The following HSD17B6 variants were observed in gnomAD, a reference collection of about 807,000 sequenced individuals.
HSD17B6 encodes the protein 17-beta-hydroxysteroid dehydrogenase type 6.
Under a neutral mutation model 26.4 loss-of-function variants are expected in HSD17B6, and 16 were observed. The observed-to-expected ratio is 0.61, with a 90% CI of 0.41 to 0.92. The LOEUF (loss-of-function observed/expected upper bound fraction) is 0.92, where lower values mean the gene tolerates loss of function less well. Among genes scored for constraint, HSD17B6 ranks in the 40% least tolerant of loss-of-function variants. The pLI is 0.00. For missense variants in HSD17B6, 357 were observed against 386.1 expected, an observed-to-expected ratio of 0.92 and a Z score of 0.63; for synonymous variants, 139 against 153.0, an observed-to-expected ratio of 0.91 and a Z score of 0.68.
At chr12:56,767,804 G>A (rs1565915456) in intron 1 of HSD17B6, among the ~76,000 whole-genome samples, 1 of 145,586 alleles carries the variant, frequency 6.9e-6, no homozygotes, top group Non-Finnish European at 1.5e-5. Flanking sequence ...ATATATGTGT[G>A]TATATATAAT....
chr12:56,780,363 T>C (rs1954687070), intron 2 of HSD17B6, among the ~76,000 whole-genome samples: 1 of 152,234 alleles, frequency 6.6e-6, no homozygotes, highest in Non-Finnish European at 1.5e-5. Context: ...CTGCTAGCTG[T>C]AATAAAGAAA....
Position 56,785,014 on chromosome 12 carries a change from C to A in HSD17B6, c.734C>A (p.Ala245Asp). 2 of 1,607,214 alleles carry A rather than the reference C, an allele frequency of 1.2e-6. No individual in the cohort carries two copies. Among genetic ancestry groups the A allele is most frequent in the Non-Finnish European group, 1.7e-6 (2 of 1,178,380 alleles). Residue 245 changes from alanine to aspartate, a missense_variant and splice_region_variant, in exon 4 of 5, where the codon GCC becomes GAC. Transcript: ENST00000322165. Reference sequence around the variant, plus strand: ...ACCTATGGACAGCAGTATTTTGATGCCCGTAAGCTTTTTTCTTTTGATAGG... The same window carrying A: ...ACCTATGGACAGCAGTATTTTGATGACCGTAAGCTTTTTTCTTTTGATAGG... The part of the protein sequence containing the change: ...KETYGQQYFD[A>D]LYNIMKEGLL...
intron 4 of HSD17B6, among the ~76,000 whole-genome samples, chr12:56,786,286 G>T (rs1294048976): frequency 9.6e-5 from 13 of 135,718 alleles, no homozygotes; most frequent in Non-Finnish European, 1.7e-4. Flanking sequence ...GTCTCGCTCT[G>T]TCACCCAGGC....
At chr12:56,783,293 G>T (rs1174495531) in intron 3 of HSD17B6, among the ~76,000 whole-genome samples, 1 of 145,878 alleles carries the variant, frequency 6.9e-6, no homozygotes, top group Non-Finnish European at 1.5e-5. Flanking sequence ...CCTCCCGGAC[G>T]GGGCGGCTGG....
chr12:56,768,366 C>T (rs1954391200), intron 1 of HSD17B6, among the ~76,000 whole-genome samples: 1 of 151,726 alleles, frequency 6.6e-6, no homozygotes, highest in Non-Finnish European at 1.5e-5. Context: ...AAATAGAGGG[C>T]CTGTGCTTGC....
intron 3 of HSD17B6, among the ~76,000 whole-genome samples, chr12:56,783,621 CGGCTGGCCGGGTGGGGGGCTG>C (rs1456492875): frequency 0.1 from 10,826 of 107,238 alleles, 748 homozygotes; most frequent in African/African-American, 0.18. Flanking sequence ...CCGGACGGAG[CGGCTGGCCGGGTGGGGGGCTG>C]ACCCCCCCCA....
intron 2 of HSD17B6, among the ~76,000 whole-genome samples, chr12:56,776,167 C>T (rs1954587095): frequency 6.6e-6 from 1 of 152,210 alleles, no homozygotes; most frequent in Admixed American, 6.5e-5. Context: ...CTCAGGTGAT[C>T]TGCCCGCCTT....
chr12:56,773,774 T>A, intron 1 of HSD17B6, 60 bp from the exon 2 acceptor site: 6 of 1,440,920 alleles, frequency 4.2e-6, no homozygotes, highest in Non-Finnish European at 4.7e-6. Flanking sequence ...TGGCAAATAC[T>A]GAATAGATAT....
At chr12:56,763,973 G>A (rs916757933) in intron 1 of HSD17B6, among the ~76,000 whole-genome samples, 2 of 150,098 alleles carry the variant, frequency 1.3e-5, no homozygotes, top group Non-Finnish European at 3.0e-5. Context: ...GGAGGCTGAG[G>A]TGGGAGGATC....
At chr12:56,777,060 A>G (rs1008888542) in intron 2 of HSD17B6, among the ~76,000 whole-genome samples, 14 of 151,894 alleles carry the variant, frequency 9.2e-5, no homozygotes, top group African/African-American at 3.1e-4. Context: ...ATAACTCCTC[A>G]CTCTAGGAGT....
chr12:56,784,816 G>A lies in HSD17B6; in HGVS notation c.573-37G>A, dbSNP rs1364077805. 5 of 1,593,242 alleles carry A rather than the reference G, an allele frequency of 3.1e-6. No individual in the cohort carries two copies. In the Admixed American group the frequency reaches 5.4e-5, roughly 17 times the overall value. On this transcript the variant is annotated intron_variant, in intron 3 of 4. Transcript: ENST00000322165. Reference sequence around the variant, plus strand: ...CCTTCCTGAAAGCATTGAAATGGTGGTGGTCTTTAATCATAACTTGTGGGG... The same window carrying A: ...CCTTCCTGAAAGCATTGAAATGGTGATGGTCTTTAATCATAACTTGTGGGG...
At chr12:56,776,304 C>CT (rs141890070) in intron 2 of HSD17B6, among the ~76,000 whole-genome samples, 55,194 of 114,740 alleles carry the variant, frequency 0.48, 15,762 homozygotes, top group African/African-American at 0.73. Flanking sequence ...CATGTCTTGC[C>CT]TTTTTTTTTT....
At chr12:56,777,193 C>G (rs2137914815) in intron 2 of HSD17B6, among the ~76,000 whole-genome samples, 1 of 152,140 alleles carries the variant, frequency 6.6e-6, no homozygotes, top group African/African-American at 2.4e-5. Context: ...CTACAGTGGG[C>G]TACGATAGCA....
At chr12:56,774,304 T>C in intron 2 of HSD17B6, 139 bp downstream of exon 2, 1 of 707,620 alleles carries the variant, frequency 1.4e-6, no homozygotes, top group Non-Finnish European at 2.3e-6. Context: ...AAATCCCTTA[T>C]ATAAAATAGT....
At chr12:56,778,674 C>CA (rs1188717796) in intron 2 of HSD17B6, among the ~76,000 whole-genome samples, 3 of 122,964 alleles carry the variant, frequency 2.4e-5, no homozygotes, top group Non-Finnish European at 5.2e-5. Flanking sequence ...GAGTCTTTTT[C>CA]TTTTTTTTTT....
intron 2 of HSD17B6, among the ~76,000 whole-genome samples, chr12:56,779,252 A>G (rs1204945398): frequency 6.6e-6 from 1 of 152,082 alleles, no homozygotes; most frequent in Non-Finnish European, 1.5e-5. Context: ...CTCCCACCTC[A>G]GCCTCCTGAG....
At chr12:56,767,473 C>T (rs1198836728) in intron 1 of HSD17B6, among the ~76,000 whole-genome samples, 2 of 150,420 alleles carry the variant, frequency 1.3e-5, no homozygotes, top group African/African-American at 2.4e-5. Context: ...GCCGAGATCG[C>T]GCTACTGCAC....
At chr12:56,777,530 A>G (rs1455191411) in intron 2 of HSD17B6, among the ~76,000 whole-genome samples, 3 of 151,782 alleles carry the variant, frequency 2.0e-5, no homozygotes, top group Non-Finnish European at 4.4e-5. Flanking sequence ...ATACCCTGCT[A>G]ATTTTGTATT....
intron 4 of HSD17B6, 39 bp downstream of exon 4, chr12:56,785,055 G>A: frequency 2.6e-6 from 4 of 1,559,926 alleles, no homozygotes; most frequent in South Asian, 1.2e-5. Flanking sequence ...TGGGTACCCT[G>A]TATTAGTCCA....
Sources: gnomAD v4.1 joint callset for allele counts (sites outside exome capture counted in the v4.1 genomes callset) on GRCh38, gnomAD v4.1.1 for gene constraint, MANE v1.5 for transcripts, NCBI Gene and HGNC (gene_info 2026-07-23, HGNC 2026-07-21) for gene names.